The following COL4A3 variants were observed in gnomAD, a reference collection of about 807,000 sequenced individuals.
COL4A3 encodes the protein collagen alpha-3(IV) chain.
Under a neutral mutation model 217.4 loss-of-function variants are expected in COL4A3, and 135 were observed. That is an observed-to-expected ratio of 0.62 (90% CI 0.54 to 0.72). The LOEUF is 0.72. Among genes scored for constraint, COL4A3 ranks in the 30% least tolerant of loss-of-function variants. COL4A3 has a pLI of 0.00. For missense variants in COL4A3, 1,868 were observed against 2,119.9 expected, an observed-to-expected ratio of 0.88 and a Z score of 2.33; for synonymous variants, 690 against 736.3, an observed-to-expected ratio of 0.94 and a Z score of 1.02.
chr2:227,166,110 AC>A (rs1249815640), intron 1 of COL4A3, among the ~76,000 whole-genome samples: 1 of 152,200 alleles, frequency 6.6e-6, no homozygotes, highest in African/African-American at 2.4e-5. Context: ...GCTTTGTTGC[AC>A]AGTATTTCAC....
chr2:227,185,330 G>A (rs1310488489), intron 1 of COL4A3, among the ~76,000 whole-genome samples: 2 of 152,168 alleles, frequency 1.3e-5, no homozygotes, highest in African/African-American at 4.8e-5. Flanking sequence ...GGTTTGAGGT[G>A]CTTTGACACA....
At chr2:227,184,812 T>A (rs2065966256) in intron 1 of COL4A3, among the ~76,000 whole-genome samples, 1 of 147,866 alleles carries the variant, frequency 6.8e-6, no homozygotes, top group South Asian at 2.2e-4. Context: ...CTTTTTTTCA[T>A]TATGCGCATT....
intron 1 of COL4A3, among the ~76,000 whole-genome samples, chr2:227,222,046 T>C (rs1376913058): frequency 2.0e-5 from 3 of 151,090 alleles, no homozygotes; most frequent in Non-Finnish European, 4.4e-5. Flanking sequence ...CCCACCTACT[T>C]AAGAGGCTGA....
At chr2:227,175,671 G>A (rs57951559) in intron 1 of COL4A3, among the ~76,000 whole-genome samples, 9,629 of 152,210 alleles carry the variant, frequency 0.063, 365 homozygotes, top group Admixed American at 0.092. Context: ...GTCTGTCGTG[G>A]TTATGCTAAT....
chr2:227,179,458 T>G (rs1334244518), intron 1 of COL4A3, among the ~76,000 whole-genome samples: 3 of 152,244 alleles, frequency 2.0e-5, no homozygotes, highest in Non-Finnish European at 2.9e-5. Flanking sequence ...TAGTTTAACC[T>G]ACTTCCATGT....
At chr2:227,251,071 A>T in intron 9 of COL4A3, 69 bp from the exon 10 acceptor site, 2 of 1,148,940 alleles carry the variant, frequency 1.7e-6, no homozygotes, top group Non-Finnish European at 2.6e-6. Flanking sequence ...TAATGCATTT[A>T]ATTAATGGAC....
chr2:227,262,149 GGATA>G (rs1213615048), intron 20 of COL4A3, among the ~76,000 whole-genome samples: 5 of 151,896 alleles, frequency 3.3e-5, no homozygotes, highest in African/African-American at 1.2e-4. Context: ...ATACAGAAAT[GGATA>G]AATATTATAT....
Position 227,248,028 on chromosome 2 carries a change from C to T in COL4A3, c.469-415C>T, listed in dbSNP as rs554747261. Among the ~76,000 whole-genome samples, 9 of 152,308 alleles carry T rather than the reference C, an allele frequency of 5.9e-5. 1 individual carries two copies. In the South Asian group the frequency reaches 1.9e-3, roughly 32 times the overall value. On this transcript the variant is annotated intron_variant, in intron 8 of 51. Coordinates refer to ENST00000396578, the MANE Select transcript of COL4A3 (RefSeq NM_000091.5). Reference sequence around the variant, plus strand: ...GATCTCAGCTCACTGCAACCTCCACCTCCTGGGCTCAAGCGTTTCTTCTGT... The same window carrying T: ...GATCTCAGCTCACTGCAACCTCCACTTCCTGGGCTCAAGCGTTTCTTCTGT...
At chr2:227,169,873 T>C (rs1269571224) in intron 1 of COL4A3, among the ~76,000 whole-genome samples, 1 of 152,200 alleles carries the variant, frequency 6.6e-6, no homozygotes, top group Non-Finnish European at 1.5e-5. Context: ...CAATATTTTT[T>C]TGTCCCTCCA....
At chr2:227,267,566 CCG>C (rs2070978982) in intron 23 of COL4A3, among the ~76,000 whole-genome samples, 1 of 152,206 alleles carries the variant, frequency 6.6e-6, no homozygotes, top group Non-Finnish European at 1.5e-5. Flanking sequence ...GCAACATCCT[CCG>C]TGCTGGGGAC....
Position 227,294,488 on chromosome 2 carries a change from A to G in COL4A3, c.3338-2A>G. 1.9e-6 allele frequency: 3 copies of G among 1,605,506 alleles called. No individual in the cohort carries two copies. The highest frequency in any genetic ancestry group is 2.6e-6 in the Non-Finnish European group (3 of 1,172,164). On this transcript the variant is annotated splice_acceptor_variant, in intron 38 of 51. Transcript: ENST00000396578. LOFTEE classifies it high-confidence loss of function. ...TCTTCCTTCCCCTCTCTTCATTTCC[A>G]GGAAAGCCAGGTCCTCATGGTGATT... is the stretch of plus-strand genomic sequence containing the variant.
chr2:227,276,497 T>A lies in COL4A3; in HGVS notation c.2020+20T>A. 1 of 1,559,956 alleles carries A rather than the reference T, an allele frequency of 6.4e-7. No individual in the cohort carries two copies. The highest frequency in any genetic ancestry group is 8.8e-7 in the Non-Finnish European group (1 of 1,130,626). On this transcript the variant is annotated intron_variant, in intron 27 of 51. Transcript: ENST00000396578. ...CACCTGGTAAGTATCCTCTGCCAAA[T>A]CTGGTACATGGCATCAGACACACAC...
intron 1 of COL4A3, among the ~76,000 whole-genome samples, chr2:227,198,939 G>A (rs1417939156): frequency 3.9e-5 from 6 of 152,158 alleles, no homozygotes; most frequent in African/African-American, 9.7e-5. Flanking sequence ...GCAGGATGAA[G>A]TGAAGGATGG....
At chr2:227,280,368 C>T (rs1007018540) in intron 29 of COL4A3, 72 bp from the exon 30 acceptor site, 3 of 1,565,712 alleles carry the variant, frequency 1.9e-6, no homozygotes, top group Non-Finnish European at 2.6e-6. Context: ...CTTAGAGCCT[C>T]CATAACAGAG....
chr2:227,285,370 C>A (rs551216988), intron 34 of COL4A3, among the ~76,000 whole-genome samples: 4 of 149,818 alleles, frequency 2.7e-5, no homozygotes, highest in Non-Finnish European at 5.9e-5. Flanking sequence ...AAGTAAAGGC[C>A]TTCTATGTAC....
chr2:227,240,275 C>A (rs1296171152), intron 3 of COL4A3, 43 bp downstream of exon 3: 2 of 1,543,506 alleles, frequency 1.3e-6, no homozygotes, highest in East Asian at 2.3e-5. Context: ...ACCCACCTAA[C>A]CCTCTTCCTG....
At chr2:227,298,384 A>C (rs530608529) in intron 42 of COL4A3, among the ~76,000 whole-genome samples, 1 of 152,310 alleles carries the variant, frequency 6.6e-6, no homozygotes, top group African/African-American at 2.4e-5. Context: ...ACAGTGATGC[A>C]TTCATTCAAC....
intron 1 of COL4A3, among the ~76,000 whole-genome samples, chr2:227,208,222 A>G (rs1457434414): frequency 6.6e-6 from 1 of 152,186 alleles, no homozygotes; most frequent in Non-Finnish European, 1.5e-5. Flanking sequence ...GCCCTTTCCC[A>G]AAAAGACCCC....
chr2:227,290,601 T>C, intron 36 of COL4A3, 146 bp from the exon 37 acceptor site: 1 of 661,164 alleles, frequency 1.5e-6, no homozygotes, highest in Non-Finnish European at 2.6e-6. Flanking sequence ...TGATATTATA[T>C]AATAATCATC....
Sources: allele counts gnomAD v4.1 joint callset (sites outside exome capture counted in the v4.1 genomes callset), GRCh38; gene constraint gnomAD v4.1.1; transcripts MANE v1.5; gene names NCBI Gene and HGNC (gene_info 2026-07-23, HGNC 2026-07-21).